IL7: variants seen among roughly 807,000 people sequenced by gnomAD.
IL7 encodes the protein interleukin-7.
Under a neutral mutation model 21.6 loss-of-function variants are expected in IL7, and 3 were observed. The ratio of observed to expected loss-of-function variants is 0.14; its 90% CI spans 0.06 to 0.36. The LOEUF is 0.36. Among genes scored for constraint, IL7 ranks in the 10% least tolerant of loss-of-function variants. The pLI is 1.00. For synonymous variants in IL7, 62 were observed against 68.1 expected (o/e 0.91, Z 0.44); for missense variants, 175 against 200.2 (o/e 0.87, Z 0.76).
chr8:78,772,522 C>A (rs1812992575), intron 2 of IL7, among the ~76,000 whole-genome samples: 1 of 152,028 alleles, frequency 6.6e-6, no homozygotes, highest in Non-Finnish European at 1.5e-5. Context: ...TAAAGTAGAA[C>A]CTGAACTTGA....
At chr8:78,716,304 T>A (rs536508273), downstream of IL7, among the ~76,000 whole-genome samples, 5 of 151,584 alleles carry the variant, frequency 3.3e-5, no homozygotes, top group African/African-American at 1.2e-4. Flanking sequence ...TTTGTATTTT[T>A]ATTAGAGACG....
intron 3 of IL7, among the ~76,000 whole-genome samples, chr8:78,692,986 G>GT (rs1810262726): frequency 1.3e-5 from 2 of 151,892 alleles, no homozygotes; most frequent in South Asian, 2.1e-4. Context: ...GCGGTGTTTG[G>GT]TTTTTTGTCC....
chr8:78,728,069 A>C (rs1221966112), downstream of IL7, among the ~76,000 whole-genome samples: 1 of 152,080 alleles, frequency 6.6e-6, no homozygotes, highest in Non-Finnish European at 1.5e-5. Flanking sequence ...ATCTAACTAA[A>C]TAGTTGTAGA....
chr8:78,736,477 A>G lies in IL7; in HGVS notation c.411T>C (p.Ser137=), dbSNP rs757535768. The change falls in exon 5 of 6, where the codon AGT becomes AGC. Residue 137 remains serine (S), a synonymous_variant. Coordinates refer to ENST00000263851, the MANE Select transcript of IL7 (RefSeq NM_000880.4). ...AAAATTATACAATTATTCTCACCAA[A>G]CTCTTTGTTGGTTGGGCTTCACCCA... The part of the protein sequence containing the change: ...AALGEAQPTK[S]LEENKSLKEQ... The G allele has an allele frequency of 1.3e-6, 2 of 1,591,822 alleles. No individual in the cohort carries two copies. The highest frequency in any genetic ancestry group is 1.7e-6 in the Non-Finnish European group (2 of 1,164,696).
At chr8:78,701,460 C>G (rs1160557730) in intron 3 of IL7, among the ~76,000 whole-genome samples, 1 of 152,214 alleles carries the variant, frequency 6.6e-6, no homozygotes, top group South Asian at 2.1e-4. Context: ...TTGACTTCCT[C>G]TCTTCCTATT....
At chr8:78,715,421 T>G, downstream of IL7, 7 of 1,195,490 alleles carry the variant, frequency 5.9e-6, no homozygotes, top group Non-Finnish European at 8.0e-6. Flanking sequence ...AACAAGCTAT[T>G]TATAGAAAAC....
intron 3 of IL7, among the ~76,000 whole-genome samples, chr8:78,712,797 C>T (rs1356276407): frequency 6.6e-6 from 1 of 151,930 alleles, no homozygotes; most frequent in East Asian, 1.9e-4. Flanking sequence ...GAAATTAGGG[C>T]CTAAAAATTA....
intron 2 of IL7, among the ~76,000 whole-genome samples, chr8:78,787,387 C>A (rs927637270): frequency 6.6e-6 from 1 of 152,198 alleles, no homozygotes; most frequent in East Asian, 1.9e-4. Flanking sequence ...AGAATTGATT[C>A]TTTGCTTAGA....
intron 3 of IL7, among the ~76,000 whole-genome samples, chr8:78,687,029 G>GTA (rs1375824657): frequency 6.6e-6 from 1 of 152,054 alleles, no homozygotes; most frequent in African/African-American, 2.4e-5. Flanking sequence ...TTCCTAAAAT[G>GTA]TATAATTCAT....
intron 5 of IL7, among the ~76,000 whole-genome samples, chr8:78,734,682 TA>T (rs1811512982): frequency 1.3e-5 from 2 of 152,172 alleles, no homozygotes; most frequent in Non-Finnish European, 1.5e-5. Flanking sequence ...GCAAGCAATA[TA>T]AAAACTATTA....
intron 2 of IL7, among the ~76,000 whole-genome samples, chr8:78,775,407 G>A (rs779014280): frequency 2.0e-5 from 3 of 152,026 alleles, no homozygotes; most frequent in Non-Finnish European, 4.4e-5. Flanking sequence ...TTCATTCTTT[G>A]GTTCTCCTAA....
intron 2 of IL7, among the ~76,000 whole-genome samples, chr8:78,776,529 C>A (rs897627811): frequency 1.3e-5 from 2 of 152,024 alleles, no homozygotes; most frequent in Non-Finnish European, 2.9e-5. Context: ...ATTTTGCTCT[C>A]ATAAATCACA....
chr8:78,769,393 G>A (rs1266545495), intron 2 of IL7, among the ~76,000 whole-genome samples: 4 of 152,130 alleles, frequency 2.6e-5, no homozygotes, highest in African/African-American at 9.6e-5. Context: ...ACCAATAACA[G>A]ACAAACAGAG....
At chr8:78,703,717 G>A (rs747365526) in intron 3 of IL7, among the ~76,000 whole-genome samples, 9 of 151,982 alleles carry the variant, frequency 5.9e-5, no homozygotes, top group South Asian at 2.1e-4. Context: ...CCAATGGATC[G>A]TGGTTCTTTA....
At chr8:78,788,911 T>C (rs1467052030) in intron 2 of IL7, among the ~76,000 whole-genome samples, 1 of 152,284 alleles carries the variant, frequency 6.6e-6, no homozygotes, top group East Asian at 1.9e-4. Flanking sequence ...TTTTTAGATA[T>C]GTACAGAGCA....
At chr8:78,695,654 C>CTA (rs928424645) in intron 3 of IL7, among the ~76,000 whole-genome samples, 6 of 152,070 alleles carry the variant, frequency 3.9e-5, no homozygotes, top group Non-Finnish European at 7.4e-5. Context: ...GTCTTTCTCT[C>CTA]TCTATATATA....
downstream of IL7, among the ~76,000 whole-genome samples, chr8:78,729,849 G>T (rs1033791050): frequency 2.6e-5 from 4 of 151,934 alleles, no homozygotes; most frequent in African/African-American, 9.7e-5. Context: ...AAGAAAATTT[G>T]TGATAAGCAT....
At chr8:78,743,062 A>G (rs1032698663) in intron 2 of IL7, among the ~76,000 whole-genome samples, 20 of 152,076 alleles carry the variant, frequency 1.3e-4, no homozygotes, top group African/African-American at 4.3e-4. Flanking sequence ...ACATGATCTC[A>G]TTGATCTCAT....
At chr8:78,709,345 G>A (rs1282670687) in intron 3 of IL7, among the ~76,000 whole-genome samples, 1 of 152,150 alleles carries the variant, frequency 6.6e-6, no homozygotes, top group Non-Finnish European at 1.5e-5. Context: ...TAGGAAACAT[G>A]CTGTTTTCAT....
Sources: allele counts gnomAD v4.1 joint callset (sites outside exome capture counted in the v4.1 genomes callset), GRCh38; gene constraint gnomAD v4.1.1; transcripts MANE v1.5; gene names NCBI Gene and HGNC (gene_info 2026-07-23, HGNC 2026-07-21).